Variants in CDH18 observed in about 807,000 individuals in gnomAD.
The protein encoded by CDH18 is cadherin-18.
A neutral mutation model predicts 67.9 loss-of-function variants in CDH18; 31 were observed. The ratio of observed to expected loss-of-function variants is 0.46; its 90% confidence interval spans 0.34 to 0.62. The LOEUF (loss-of-function observed/expected upper bound fraction) is 0.62, where lower values mean the gene tolerates loss of function less well. CDH18 is among the 20% of genes least tolerant of loss of function. CDH18 has a pLI of 0.01. For synonymous variants in CDH18, 362 were observed against 347.2 expected (o/e 1.04, Z -0.48); for missense variants, 890 against 975.5 (o/e 0.91, Z 1.17).
At chr5:19,802,093 A>G (rs560707225) in intron 3 of CDH18, among the ~76,000 whole-genome samples, 29 of 152,214 alleles carry the variant, frequency 1.9e-4, no homozygotes, top group Non-Finnish European at 2.9e-4. Context: ...AATCATACGT[A>G]AAAGAGAAAT....
chr5:19,888,020 G>T (rs890279802), intron 2 of CDH18, among the ~76,000 whole-genome samples: 13 of 152,224 alleles, frequency 8.5e-5, no homozygotes, highest in Admixed American at 2.6e-4. Flanking sequence ...TTATATGGCA[G>T]TATTTGTATA....
At chr5:20,527,502 G>C (rs10941838) in intron 1 of CDH18, among the ~76,000 whole-genome samples, 63,864 of 151,802 alleles carry the variant, frequency 0.42, 14,682 homozygotes, top group East Asian at 0.56. Flanking sequence ...TTAAAGACAG[G>C]CAGAAAGAAA....
At chr5:20,544,371 A>T (rs1757223581) in intron 1 of CDH18, among the ~76,000 whole-genome samples, 1 of 152,200 alleles carries the variant, frequency 6.6e-6, no homozygotes, top group South Asian at 2.1e-4. Context: ...ATATATAAAG[A>T]ATGTACACAC....
chr5:20,482,770 T>C (rs553633218), intron 1 of CDH18, among the ~76,000 whole-genome samples: 1 of 152,044 alleles, frequency 6.6e-6, no homozygotes, highest in Admixed American at 6.6e-5. Context: ...AGAAGGAACA[T>C]ACCTCAACCA....
At position 19,830,894 on chromosome 5, in the gene CDH18, A is replaced by G. The variant is rs146008463; in HGVS notation, c.228+7865T>C. 5.5e-3 allele frequency among the ~76,000 whole-genome samples: 830 copies of G among 152,206 alleles called. 5 individuals are homozygous for G. The highest frequency in any genetic ancestry group is 0.019 in the African/African-American group (805 of 41,538). ...GATCACATCCTTTTCAGGAACATGG[A>G]TAGAGGTGGAGGCCATAACCTGACA... is the stretch of plus-strand genomic sequence containing the variant. On this transcript the variant is annotated intron_variant, in intron 3 of 12. Coordinates refer to ENST00000382275, the MANE Select transcript of CDH18 (RefSeq NM_004934.5).
At position 20,405,511 on chromosome 5, in the gene CDH18, C is replaced by T. The variant is rs180986193; in HGVS notation, c.-579-150006G>A. Among the ~76,000 whole-genome samples the T allele has an allele frequency of 5.3e-5, 8 of 152,246 alleles. No individual in the cohort carries two copies. In the East Asian group the frequency reaches 1.2e-3, roughly 22 times the overall value. Reference sequence around the variant, plus strand: ...AGAAGAAAACCTAGGCAATACCATTCAGGACATAGGGATGGGCAAGGACTT... The same window carrying T: ...AGAAGAAAACCTAGGCAATACCATTTAGGACATAGGGATGGGCAAGGACTT... On this transcript the variant is annotated intron_variant, in intron 1 of 14. Transcript: ENST00000507958.
chr5:20,569,052 C>T (rs1758665111), intron 1 of CDH18, among the ~76,000 whole-genome samples: 1 of 152,306 alleles, frequency 6.6e-6, no homozygotes, highest in South Asian at 2.1e-4. Flanking sequence ...GGCTTATACA[C>T]ATTAACCCAC....
intron 3 of CDH18, among the ~76,000 whole-genome samples, chr5:19,831,424 A>AG (rs1425130150): frequency 6.6e-6 from 1 of 152,054 alleles, no homozygotes; most frequent in African/African-American, 2.4e-5. Context: ...AAAGCAAAAA[A>AG]CAACCCTATT....
At chr5:20,408,593 C>CA (rs1002881675) in intron 1 of CDH18, among the ~76,000 whole-genome samples, 1 of 149,746 alleles carries the variant, frequency 6.7e-6, no homozygotes, top group African/African-American at 2.5e-5. Context: ...ATAAATTATA[C>CA]AAAAAAGAGA....
In CDH18 at chr5:20,296,261, GT is replaced by G. The variant is rs988035231; in HGVS notation, c.-579-40757del. Reference sequence around the variant, plus strand: ...TTTTGTTTGTTTGTTTTTGTTTTTTGTTTTTTTTTTGAGAGGGAGTCTCACT... The same window carrying G: ...TTTTGTTTGTTTGTTTTTGTTTTTTGTTTTTTTTTGAGAGGGAGTCTCACT... On this transcript the variant is annotated intron_variant, in intron 1 of 14. Coordinates refer to the CDH18 transcript ENST00000507958. Among the ~76,000 whole-genome samples the G allele has an allele frequency of 2.3e-3, 312 of 135,794 alleles. 2 individuals carry two copies. The highest frequency in any genetic ancestry group is 5.0e-3 in the African/African-American group (186 of 37,102). The allele number at this position is 135,794 out of a possible 152,430, so 89.1% of individuals were successfully genotyped here.
intron 2 of CDH18, among the ~76,000 whole-genome samples, chr5:20,179,652 T>G (rs1737527036): frequency 6.6e-6 from 1 of 152,016 alleles, no homozygotes; most frequent in Non-Finnish European, 1.5e-5. Context: ...ATGGGACTGG[T>G]AAGGGAATAA....
chr5:20,172,223 T>TAA (rs1554098639), intron 2 of CDH18, among the ~76,000 whole-genome samples: 3 of 43,922 alleles, frequency 6.8e-5, no homozygotes, highest in African/African-American at 3.4e-4. Context: ...TATATATATA[T>TAA]GTATATATAT....
chr5:19,695,699 C>T (rs940163603), intron 5 of CDH18, among the ~76,000 whole-genome samples: 4 of 152,162 alleles, frequency 2.6e-5, no homozygotes, highest in African/African-American at 9.7e-5. Flanking sequence ...GTTGACATTT[C>T]CTATAACTTC....
chr5:20,000,560 A>G (rs1402940853), intron 2 of CDH18, among the ~76,000 whole-genome samples: 1 of 152,186 alleles, frequency 6.6e-6, no homozygotes, highest in Non-Finnish European at 1.5e-5. Flanking sequence ...TTGAGGTGTT[A>G]GCCAAACATT....
chr5:20,097,407 G>A (rs1179808876), intron 2 of CDH18, among the ~76,000 whole-genome samples: 1 of 152,046 alleles, frequency 6.6e-6, no homozygotes, highest in Admixed American at 6.6e-5. Context: ...TATGTGCAGG[G>A]GAATTGCCCT....
At chr5:19,510,167 T>A (rs1222966109) in intron 10 of CDH18, among the ~76,000 whole-genome samples, 1 of 152,192 alleles carries the variant, frequency 6.6e-6, no homozygotes, top group African/African-American at 2.4e-5. Flanking sequence ...CGCCAATTGT[T>A]GTTTAAATAG....
chr5:20,531,934 A>G (rs999812318), intron 1 of CDH18, among the ~76,000 whole-genome samples: 1 of 152,140 alleles, frequency 6.6e-6, no homozygotes, highest in Non-Finnish European at 1.5e-5. Flanking sequence ...AAAAAAATAT[A>G]GTAAGTTCAT....
chr5:19,981,717 C>T (rs886306921), intron 1 of CDH18, among the ~76,000 whole-genome samples: 7 of 152,168 alleles, frequency 4.6e-5, no homozygotes, highest in Non-Finnish European at 8.8e-5. Context: ...CTCAGCTCTG[C>T]TGTTCTTGTT....
intron 1 of CDH18, among the ~76,000 whole-genome samples, chr5:20,460,266 C>T (rs1417662219): frequency 6.6e-6 from 1 of 151,914 alleles, no homozygotes; most frequent in Admixed American, 6.6e-5. Context: ...GTGGTGTGCG[C>T]CTGTAGTCCC....
Sources: gnomAD v4.1 joint callset for allele counts (sites outside exome capture counted in the v4.1 genomes callset) on GRCh38, gnomAD v4.1.1 for gene constraint, MANE v1.5 for transcripts, NCBI Gene and HGNC (gene_info 2026-07-23, HGNC 2026-07-21) for gene names.